The following GALNT13 variants were observed in gnomAD, a reference collection of about 807,000 sequenced individuals.
The protein encoded by GALNT13 is polypeptide N-acetylgalactosaminyltransferase 13.
A neutral mutation model predicts 64.2 loss-of-function variants in GALNT13; 28 were observed. The ratio of observed to expected loss-of-function variants is 0.44; its 90% CI spans 0.32 to 0.60. GALNT13 has a LOEUF of 0.60. Among genes scored for constraint, GALNT13 ranks in the 20% least tolerant of loss-of-function variants. GALNT13 has a pLI of 0.05. For missense variants in GALNT13, 577 were observed against 669.8 expected, an observed-to-expected ratio of 0.86 and a Z score of 1.53; for synonymous variants, 214 against 224.6, an observed-to-expected ratio of 0.95 and a Z score of 0.42.
At chr2:154,422,750 T>G (rs1295771469) in intron 11 of GALNT13, among the ~76,000 whole-genome samples, 1 of 152,174 alleles carries the variant, frequency 6.6e-6, no homozygotes, top group Non-Finnish European at 1.5e-5. Context: ...GTGGTCTTGA[T>G]AGCTCACCAT....
intron 3 of GALNT13, among the ~76,000 whole-genome samples, chr2:154,094,844 T>C (rs1701998536): frequency 6.6e-6 from 1 of 152,056 alleles, no homozygotes; most frequent in Middle Eastern, 3.4e-3. Context: ...ACTTACTTCA[T>C]AAAGTCCTAA....
upstream of GALNT13, among the ~76,000 whole-genome samples, chr2:153,867,747 C>G (rs1193847426): frequency 6.6e-6 from 1 of 151,774 alleles, no homozygotes; most frequent in East Asian, 1.9e-4. Flanking sequence ...AGTGACAGAT[C>G]ATCAGGCATT....
the GALNT13 span, among the ~76,000 whole-genome samples, chr2:153,078,201 A>T: frequency 6.6e-6 from 1 of 151,608 alleles, no homozygotes; most frequent in African/African-American, 2.4e-5. Context: ...TGATTTTATA[A>T]CTTGCTATTT....
At chr2:154,103,701 G>A (rs1371574093) in intron 3 of GALNT13, among the ~76,000 whole-genome samples, 1 of 152,096 alleles carries the variant, frequency 6.6e-6, no homozygotes, top group Non-Finnish European at 1.5e-5. Flanking sequence ...TTATATATGA[G>A]CGTTTGGCAT....
the GALNT13 span, among the ~76,000 whole-genome samples, chr2:153,521,325 A>C: frequency 6.6e-6 from 1 of 152,130 alleles, no homozygotes; most frequent in Non-Finnish European, 1.5e-5. Context: ...TAAAGTTTTA[A>C]GTTGCTTGCC....
At chr2:154,198,356 G>A (rs1396170774) in intron 4 of GALNT13, among the ~76,000 whole-genome samples, 1 of 151,694 alleles carries the variant, frequency 6.6e-6, no homozygotes, top group Non-Finnish European at 1.5e-5. Context: ...GTTGTTTTTT[G>A]TTTTGTTTTG....
chr2:153,911,795 T>C (rs1688958735), intron 2 of GALNT13, among the ~76,000 whole-genome samples: 1 of 152,188 alleles, frequency 6.6e-6, no homozygotes, highest in Non-Finnish European at 1.5e-5. Context: ...TCTGATGGGC[T>C]TCCTTTTGTG....
At chr2:153,240,452 T>C in the GALNT13 span, among the ~76,000 whole-genome samples, 196 of 152,240 alleles carry the variant, frequency 1.3e-3, 1 homozygote, top group African/African-American at 4.6e-3. Context: ...TGTGGCTACC[T>C]GCTTGTGGTT....
At chr2:153,147,538 A>C in the GALNT13 span, among the ~76,000 whole-genome samples, 145 of 138,516 alleles carry the variant, frequency 1.0e-3, 1 homozygote, top group South Asian at 8.8e-3. Flanking sequence ...AGGAAGCATT[A>C]GACTTTTTTT....
At chr2:153,714,603 G>T in the GALNT13 span, among the ~76,000 whole-genome samples, 1 of 152,084 alleles carries the variant, frequency 6.6e-6, no homozygotes, top group African/African-American at 2.4e-5. Context: ...AATTTGCAAT[G>T]TTATAATTAA....
At chr2:154,405,628 C>A (rs182448142) in intron 10 of GALNT13, among the ~76,000 whole-genome samples, 4 of 151,324 alleles carry the variant, frequency 2.6e-5, no homozygotes, top group Non-Finnish European at 2.9e-5. Flanking sequence ...ATGGTGGGCA[C>A]CTGTAATCCC....
the GALNT13 span, among the ~76,000 whole-genome samples, chr2:153,352,530 C>T: frequency 6.6e-6 from 1 of 152,048 alleles, no homozygotes; most frequent in South Asian, 2.1e-4. Context: ...TTGTCATCAC[C>T]AATCCCAAAG....
chr2:154,099,420 A>G (rs1574496554), intron 3 of GALNT13, among the ~76,000 whole-genome samples: 1 of 151,994 alleles, frequency 6.6e-6, no homozygotes, highest in African/African-American at 2.4e-5. Context: ...ATTTTAGTTT[A>G]CTTAAGTCCC....
At chr2:153,712,197 A>G in the GALNT13 span, among the ~76,000 whole-genome samples, 2 of 152,182 alleles carry the variant, frequency 1.3e-5, no homozygotes, top group Non-Finnish European at 2.9e-5. Flanking sequence ...AAGATTAAAA[A>G]TGTGCTTCAA....
At chr2:153,368,400 C>T in the GALNT13 span, among the ~76,000 whole-genome samples, 2 of 152,246 alleles carry the variant, frequency 1.3e-5, no homozygotes, top group East Asian at 3.9e-4. Context: ...CATGCTATCA[C>T]TCTGAATTTG....
the GALNT13 span, among the ~76,000 whole-genome samples, chr2:153,169,292 A>G: frequency 2.0e-5 from 3 of 152,308 alleles, no homozygotes; most frequent in South Asian, 4.1e-4. Context: ...CAAAATCAGG[A>G]TGTCTCTAAG....
chr2:153,223,763 A>C, the GALNT13 span, among the ~76,000 whole-genome samples: 1 of 152,086 alleles, frequency 6.6e-6, no homozygotes, highest in Non-Finnish European at 1.5e-5. Flanking sequence ...GTTTGAGGTC[A>C]ACCTGGCCAA....
At chr2:153,799,823 C>T in the GALNT13 span, among the ~76,000 whole-genome samples, 65 of 152,140 alleles carry the variant, frequency 4.3e-4, no homozygotes, top group Admixed American at 1.3e-3. Context: ...CCATAGGGCC[C>T]GGTCATTCAG....
At chr2:154,358,026 C>T (rs1696847879) in intron 9 of GALNT13, among the ~76,000 whole-genome samples, 1 of 151,990 alleles carries the variant, frequency 6.6e-6, no homozygotes, top group African/African-American at 2.4e-5. Flanking sequence ...GTGGAATGTG[C>T]CCTTCCAAAC....
Sources: gnomAD v4.1 joint callset for allele counts (sites outside exome capture counted in the v4.1 genomes callset) on GRCh38, gnomAD v4.1.1 for gene constraint, MANE v1.5 for transcripts, NCBI Gene and HGNC (gene_info 2026-07-23, HGNC 2026-07-21) for gene names.